ACTR3B: variants seen among roughly 807,000 people sequenced by gnomAD.
The protein encoded by ACTR3B is actin related protein 3B.
A neutral mutation model predicts 59.0 loss-of-function variants in ACTR3B; 8 were observed. The ratio of observed to expected loss-of-function variants is 0.14; its 90% CI spans 0.08 to 0.24. The LOEUF (loss-of-function observed/expected upper bound fraction) is 0.24. Among genes scored for constraint, ACTR3B ranks in the 10% least tolerant of loss-of-function variants. ACTR3B has a pLI of 1.00. For missense variants in ACTR3B, 245 were observed against 552.3 expected (o/e 0.44, Z 5.58); for synonymous variants, 148 against 197.9 (o/e 0.75, Z 2.12).
chr7:152,821,661 G>A (rs1255280356), intron 7 of ACTR3B, among the ~76,000 whole-genome samples: 1 of 152,160 alleles, frequency 6.6e-6, no homozygotes, highest in East Asian at 1.9e-4. Context: ...TGAAATCTGG[G>A]CTGATGTGCT....
Position 152,808,127 on chromosome 7 carries a change from G to A in ACTR3B, c.336+6396G>A, listed in dbSNP as rs996009118. On this transcript the variant is annotated intron_variant, in intron 4 of 11. Coordinates refer to ENST00000256001, the MANE Select transcript of ACTR3B (RefSeq NM_020445.6). ...GCCCTCATATAAATGGAATCATATA[G>A]TATTTGTCCTTTTGTGACCAGCTTA... is the stretch of plus-strand genomic sequence containing the variant. Among the ~76,000 whole-genome samples the A allele has an allele frequency of 2.9e-4, 44 of 152,086 alleles. 1 individual carries two copies. The highest frequency in any genetic ancestry group is 1.0e-4 in the Non-Finnish European group (7 of 68,024).
chr7:152,789,685 G>T (rs1483017321), intron 2 of ACTR3B, among the ~76,000 whole-genome samples: 1 of 151,576 alleles, frequency 6.6e-6, no homozygotes, highest in Non-Finnish European at 1.5e-5. Flanking sequence ...CTAACACTTC[G>T]TGTTTCTTTT....
At chr7:152,788,965 T>C (rs2098184227) in intron 2 of ACTR3B, among the ~76,000 whole-genome samples, 2 of 152,206 alleles carry the variant, frequency 1.3e-5, no homozygotes, top group Admixed American at 1.3e-4. Flanking sequence ...GAGGTTGCAG[T>C]GAGCTGAGAT....
intron 1 of ACTR3B, among the ~76,000 whole-genome samples, chr7:152,764,032 G>T (rs1353140426): frequency 1.3e-5 from 2 of 151,644 alleles, no homozygotes; most frequent in Non-Finnish European, 2.9e-5. Flanking sequence ...TTGAGACGGA[G>T]TCTTGCTGTG....
At chr7:152,821,075 T>A (rs150787136) in intron 7 of ACTR3B, among the ~76,000 whole-genome samples, 2,212 of 152,138 alleles carry the variant, frequency 0.015, 16 homozygotes, top group African/African-American at 0.034. Flanking sequence ...GGCTCTGCAG[T>A]TGGGTATGAC....
chr7:152,834,425 A>G (rs1797276518), intron 9 of ACTR3B, among the ~76,000 whole-genome samples: 1 of 152,200 alleles, frequency 6.6e-6, no homozygotes, highest in Non-Finnish European at 1.5e-5. Flanking sequence ...AAGTGCTGGG[A>G]TTACAAGTGT....
chr7:152,772,350 C>T (rs2098126043), intron 1 of ACTR3B, among the ~76,000 whole-genome samples: 2 of 149,538 alleles, frequency 1.3e-5, no homozygotes, highest in African/African-American at 5.0e-5. Flanking sequence ...AAGACCCTGT[C>T]TCTGTCCCCC....
At chr7:152,826,028 T>C in intron 9 of ACTR3B, among the ~76,000 whole-genome samples, 1 of 152,128 alleles carries the variant, frequency 6.6e-6, no homozygotes, top group South Asian at 2.1e-4. Flanking sequence ...TTTGCTTGAG[T>C]GAGTCGCGCC....
intron 4 of ACTR3B, among the ~76,000 whole-genome samples, chr7:152,809,605 G>C (rs979196961): frequency 2.0e-5 from 3 of 150,860 alleles, no homozygotes; most frequent in African/African-American, 7.4e-5. Context: ...GCAGTGGCAC[G>C]ATCTCAGCTC....
rs759034106 is a variant in ACTR3B, at chr7:152,853,584, C to T, written c.1161+7C>T. ...CTCCATGCTGGCCTCGACTGTAAGT[C>T]CCTCTCTCGAGGGCTCTGTGTCTCC... On this transcript the variant is annotated splice_region_variant and intron_variant, in intron 11 of 11. Coordinates refer to ENST00000256001, the MANE Select transcript of ACTR3B (RefSeq NM_020445.6). The T allele has an allele frequency of 2.5e-6, 4 of 1,611,874 alleles. No homozygotes were observed. The highest frequency in any genetic ancestry group is 3.4e-6 in the Non-Finnish European group (4 of 1,178,992).
intron 9 of ACTR3B, among the ~76,000 whole-genome samples, chr7:152,851,092 G>A (rs1225663536): frequency 6.6e-6 from 1 of 152,152 alleles, no homozygotes; most frequent in Non-Finnish European, 1.5e-5. Flanking sequence ...AAATAGTACC[G>A]AATCCTATAT....
At chr7:152,798,718 T>G (rs1047913968) in intron 2 of ACTR3B, among the ~76,000 whole-genome samples, 7 of 152,360 alleles carry the variant, frequency 4.6e-5, no homozygotes, top group African/African-American at 1.2e-4. Flanking sequence ...GGTTGAGAGA[T>G]AAGCATTCAT....
chr7:152,810,354 G>T (rs1382942844), intron 4 of ACTR3B, among the ~76,000 whole-genome samples: 2 of 150,354 alleles, frequency 1.3e-5, no homozygotes, highest in Admixed American at 1.3e-4. Flanking sequence ...TGATCCACCT[G>T]CCCCTGCCTC....
In ACTR3B at chr7:152,853,529, C is replaced by T; in HGVS notation, c.1113C>T (p.His371=). ...KPVEVQVVTH[H]MQRYAVWFGG... ...TGGAGGTCCAGGTGGTCACGCATCA[C>T]ATGCAGCGCTACGCCGTGTGGTTCG... The change falls in exon 11 of 12, where the codon CAC becomes CAT. Residue 371 remains histidine, a synonymous_variant. Coordinates refer to ENST00000256001, the MANE Select transcript of ACTR3B (RefSeq NM_020445.6). 1 of 1,612,992 alleles carries T rather than the reference C, an allele frequency of 6.2e-7. No individual in the cohort carries two copies. The highest frequency in any genetic ancestry group is 8.5e-7 in the Non-Finnish European group (1 of 1,179,650).
Position 152,759,835 on chromosome 7 carries a change from G to T in ACTR3B, c.-48G>T, listed in dbSNP as rs768353321. On this transcript the variant is annotated 5_prime_UTR_variant, in exon 1 of 12. Coordinates refer to ENST00000256001, the MANE Select transcript of ACTR3B (RefSeq NM_020445.6). ...AGCGGGCGGCGGAGCGGACGGCGAC[G>T]GGGCGCTCTCGGGCTGCCGGCGGGG... 55 of 1,213,778 alleles carry T rather than the reference G, an allele frequency of 4.5e-5. No individual in the cohort carries two copies. The African/African-American group carries it at 5.7e-4, about 13-fold the overall frequency. The allele number at this position is 1,213,778 out of a possible 1,614,324, so 75.2% of individuals were successfully genotyped here.
chr7:152,808,058 A>T (rs2098258013), intron 4 of ACTR3B, among the ~76,000 whole-genome samples: 1 of 152,060 alleles, frequency 6.6e-6, no homozygotes, highest in African/African-American at 2.4e-5. Flanking sequence ...TGCCCCTGGA[A>T]TGCCCATTTT....
chr7:152,815,445 G>A (rs1245134698), intron 5 of ACTR3B, among the ~76,000 whole-genome samples: 2 of 152,184 alleles, frequency 1.3e-5, no homozygotes, highest in Non-Finnish European at 2.9e-5. Context: ...AACACTTCAG[G>A]AGACATAAGA....
intron 9 of ACTR3B, among the ~76,000 whole-genome samples, chr7:152,847,671 G>C (rs1301328557): frequency 6.6e-6 from 1 of 152,196 alleles, no homozygotes; most frequent in Non-Finnish European, 1.5e-5. Flanking sequence ...GGTCAGATGA[G>C]GACAGAGCCC....
intron 4 of ACTR3B, among the ~76,000 whole-genome samples, chr7:152,802,543 TAA>T (rs1308369707): frequency 6.8e-6 from 1 of 147,464 alleles, no homozygotes; most frequent in African/African-American, 2.5e-5. Flanking sequence ...ACATCACAGA[TAA>T]ATGAGAAGAA....
Sources: allele counts gnomAD v4.1 joint callset (sites outside exome capture counted in the v4.1 genomes callset), GRCh38; gene constraint gnomAD v4.1.1; transcripts MANE v1.5; gene names NCBI Gene and HGNC (gene_info 2026-07-23, HGNC 2026-07-21).